Variants in NBAS observed in about 807,000 individuals in gnomAD.
NBAS encodes the protein NBAS subunit of NRZ tethering complex, also known as NAG/BC035112 fusion.
In NBAS, 219 loss-of-function variants were observed where a neutral mutation model predicts 302.5. That is an observed-to-expected ratio of 0.72 (90% CI 0.65 to 0.81). The LOEUF (loss-of-function observed/expected upper bound fraction) is 0.81, where lower values mean the gene tolerates loss of function less well. NBAS is among the 30% of genes least tolerant of loss of function. The pLI, the probability that NBAS is intolerant of heterozygous loss-of-function variation, is 0.00. For missense variants in NBAS, 2,932 were observed against 2,841.6 expected (o/e 1.03, Z -0.72); for synonymous variants, 1,118 against 1,021.6 (o/e 1.09, Z -1.80).
chr2:15,081,963 C>T, the NBAS span, among the ~76,000 whole-genome samples: 5 of 152,196 alleles, frequency 3.3e-5, no homozygotes, highest in Non-Finnish European at 5.9e-5. Flanking sequence ...GGTGTTTAAT[C>T]TTTTGGCCTC....
At chr2:15,546,118 T>G (rs1664095150) in intron 6 of NBAS, among the ~76,000 whole-genome samples, 1 of 152,206 alleles carries the variant, frequency 6.6e-6, no homozygotes, top group Admixed American at 6.5e-5. Flanking sequence ...AAATTACTCT[T>G]TTTTAACAAC....
At chr2:15,478,322 C>G in intron 12 of NBAS, 33 bp from the exon 13 acceptor site, 1 of 1,481,812 alleles carries the variant, frequency 6.7e-7, no homozygotes. Flanking sequence ...CCTGAGTGAA[C>G]TATGTAAGAA....
At chr2:15,514,856 G>A (rs1431609586) in intron 9 of NBAS, among the ~76,000 whole-genome samples, 1 of 152,098 alleles carries the variant, frequency 6.6e-6, no homozygotes, top group Non-Finnish European at 1.5e-5. Context: ...GCATAGCCAT[G>A]CATAGATAAA....
At chr2:15,301,273 G>A (rs1452184556) in intron 40 of NBAS, among the ~76,000 whole-genome samples, 1 of 152,208 alleles carries the variant, frequency 6.6e-6, no homozygotes, top group African/African-American at 2.4e-5. Flanking sequence ...GAGTAACCTT[G>A]AGGAAGTAAC....
At chr2:15,293,275 C>CG (rs1670401789) in intron 40 of NBAS, among the ~76,000 whole-genome samples, 2 of 152,016 alleles carry the variant, frequency 1.3e-5, no homozygotes, top group African/African-American at 4.8e-5. Context: ...GGGATAAGTT[C>CG]GGGAAAAAAC....
In NBAS at chr2:15,413,141, T is replaced by C. The variant is rs115718807; in HGVS notation, c.2937+2405A>G. Among the ~76,000 whole-genome samples the C allele has an allele frequency of 6.8e-3, 1,029 of 152,360 alleles. 11 individuals are homozygous for C. The highest frequency in any genetic ancestry group is 0.022 in the African/African-American group (928 of 41,584). ...ACATACTGGAAGCCACTTTGCTCTGTATGTATGTCTTGAATTGCAGTCCTA... is the reference window on the plus strand; with the variant it reads ...ACATACTGGAAGCCACTTTGCTCTGCATGTATGTCTTGAATTGCAGTCCTA... On this transcript the variant is annotated intron_variant, in intron 25 of 51. Coordinates refer to ENST00000281513, the MANE Select transcript of NBAS (RefSeq NM_015909.4).
the NBAS span, among the ~76,000 whole-genome samples, chr2:15,134,481 TCA>T: frequency 2.2e-4 from 33 of 151,696 alleles, no homozygotes; most frequent in African/African-American, 6.5e-4. Context: ...TGTCTCTCTC[TCA>T]CACACACACA....
At chr2:14,784,768 G>A in the NBAS span, among the ~76,000 whole-genome samples, 4 of 152,126 alleles carry the variant, frequency 2.6e-5, no homozygotes, top group Admixed American at 2.0e-4. Flanking sequence ...CTCCAGCTTT[G>A]TTCTTTTGTC....
the NBAS span, among the ~76,000 whole-genome samples, chr2:15,075,229 C>A: frequency 6.6e-6 from 1 of 152,142 alleles, no homozygotes; most frequent in East Asian, 1.9e-4. Context: ...AATGACAATA[C>A]AACAATGATC....
At chr2:14,929,820 T>C in the NBAS span, among the ~76,000 whole-genome samples, 1 of 152,160 alleles carries the variant, frequency 6.6e-6, no homozygotes, top group Admixed American at 6.5e-5. Context: ...TAGGATGGTA[T>C]GGTTTGGCTC....
At chr2:14,997,488 T>G in the NBAS span, among the ~76,000 whole-genome samples, 1 of 151,682 alleles carries the variant, frequency 6.6e-6, no homozygotes, top group Non-Finnish European at 1.5e-5. Context: ...CAAGCTTTAT[T>G]GAGGTATAAC....
chr2:15,112,867 G>C, the NBAS span, among the ~76,000 whole-genome samples: 1 of 152,022 alleles, frequency 6.6e-6, no homozygotes, highest in Non-Finnish European at 1.5e-5. Context: ...TTATTCAAAT[G>C]AGATCTGAGT....
intron 6 of NBAS, among the ~76,000 whole-genome samples, chr2:15,544,490 T>A (rs1432312236): frequency 6.6e-6 from 1 of 152,114 alleles, no homozygotes; most frequent in Non-Finnish European, 1.5e-5. Context: ...ACAATAGGCA[T>A]AAACTTTGCA....
intron 9 of NBAS, among the ~76,000 whole-genome samples, chr2:15,527,162 A>C (rs1346489627): frequency 6.6e-6 from 1 of 152,066 alleles, no homozygotes; most frequent in Non-Finnish European, 1.5e-5. Context: ...AGGAGAAAAA[A>C]GGAAAAGTCA....
At chr2:14,850,435 C>T in the NBAS span, among the ~76,000 whole-genome samples, 1 of 95,950 alleles carries the variant, frequency 1.0e-5, no homozygotes, top group East Asian at 2.3e-4. Flanking sequence ...AAAGCAAGTC[C>T]TCAGTGACCT....
intron 44 of NBAS, among the ~76,000 whole-genome samples, chr2:15,263,729 G>A (rs770355343): frequency 5.9e-5 from 9 of 152,000 alleles, no homozygotes; most frequent in Non-Finnish European, 1.2e-4. Flanking sequence ...TTTATACTAC[G>A]GGGCCTTTCC....
At chr2:14,830,541 T>C in the NBAS span, among the ~76,000 whole-genome samples, 14 of 152,112 alleles carry the variant, frequency 9.2e-5, no homozygotes, top group Admixed American at 5.2e-4. Context: ...AGTCCTAATA[T>C]CTACATCTTA....
chr2:15,121,017 C>G, the NBAS span, among the ~76,000 whole-genome samples: 4 of 152,182 alleles, frequency 2.6e-5, no homozygotes, highest in African/African-American at 4.8e-5. Context: ...TCAAGAACAT[C>G]TATTTTTCAC....
the NBAS span, among the ~76,000 whole-genome samples, chr2:14,980,670 GA>G: frequency 6.6e-6 from 1 of 151,400 alleles, no homozygotes; most frequent in Non-Finnish European, 1.5e-5. Flanking sequence ...GAATAGGCAG[GA>G]AAAAAAATCA....
Sources: allele counts gnomAD v4.1 joint callset (sites outside exome capture counted in the v4.1 genomes callset), GRCh38; gene constraint gnomAD v4.1.1; transcripts MANE v1.5; gene names NCBI Gene and HGNC (gene_info 2026-07-23, HGNC 2026-07-21).